The following DUSP13B variants were observed in gnomAD, a reference collection of about 807,000 sequenced individuals.
DUSP13B encodes dual specificity phosphatase 13B, also known as dual specificity protein phosphatase 13B.
chr10:75,097,756 C>A, the DUSP13B span: 1 of 1,613,496 alleles, frequency 6.2e-7, no homozygotes, highest in Non-Finnish European at 8.5e-7. Context: ...CGATATGGTT[C>A]AGTGTGGCAG....
the DUSP13B span, chr10:75,108,278 C>A: frequency 6.6e-7 from 1 of 1,523,258 alleles, no homozygotes; most frequent in Admixed American, 2.1e-5. Context: ...TGTGCCTGGC[C>A]CCCTGCTGCA....
the DUSP13B span, chr10:75,105,749 G>A: frequency 1.0e-5 from 16 of 1,554,114 alleles, no homozygotes; most frequent in African/African-American, 2.7e-5. Flanking sequence ...AAGACCCATC[G>A]GTGCTGCCTC....
chr10:75,095,723 C>T, the DUSP13B span: 11 of 1,614,124 alleles, frequency 6.8e-6, no homozygotes, highest in East Asian at 2.2e-5. Context: ...CCACCTGGAA[C>T]TTGCCTGCAG....
At chr10:75,104,217 A>C in the DUSP13B span, 4 of 610,936 alleles carry the variant, frequency 6.5e-6, no homozygotes, top group Admixed American at 1.2e-4. Flanking sequence ...AGCCCTGTGC[A>C]TAAGGTCAAG....
chr10:75,102,052 A>G, the DUSP13B span: 3 of 997,184 alleles, frequency 3.0e-6, no homozygotes, highest in African/African-American at 1.7e-5. Flanking sequence ...CACTGGTTCC[A>G]TGGCATGGCC....
chr10:75,097,718 C>A, the DUSP13B span: 1 of 1,577,890 alleles, frequency 6.3e-7, no homozygotes, highest in Non-Finnish European at 8.6e-7. Context: ...TCACGCATCT[C>A]CCAGGAAGAG....
the DUSP13B span, among the ~76,000 whole-genome samples, chr10:75,106,163 A>T: frequency 2.8e-5 from 4 of 141,934 alleles, no homozygotes; most frequent in Non-Finnish European, 6.0e-5. Context: ...GCTGGTCTTG[A>T]ACTCCTGAAC....
At chr10:75,097,939 C>A in the DUSP13B span, 2 of 1,481,642 alleles carry the variant, frequency 1.3e-6, no homozygotes, top group South Asian at 1.4e-5. Flanking sequence ...GAGGGTGGAT[C>A]CAGCTGATGG....
chr10:75,107,913 C>T, the DUSP13B span: 1 of 1,445,890 alleles, frequency 6.9e-7, no homozygotes, highest in East Asian at 2.5e-5. Context: ...GATGGGAGGG[C>T]ACTGATGACT....
the DUSP13B span, among the ~76,000 whole-genome samples, chr10:75,102,773 A>G: frequency 6.6e-6 from 1 of 152,048 alleles, no homozygotes; most frequent in Non-Finnish European, 1.5e-5. Context: ...ACTAACATGG[A>G]GAAAACCTGC....
the DUSP13B span, among the ~76,000 whole-genome samples, chr10:75,102,760 C>T: frequency 6.6e-6 from 1 of 152,128 alleles, no homozygotes; most frequent in East Asian, 1.9e-4. Flanking sequence ...CGAGACCAGC[C>T]TGACTAACAT....
At chr10:75,108,152 G>C in the DUSP13B span, 4 of 1,612,928 alleles carry the variant, frequency 2.5e-6, no homozygotes, top group Non-Finnish European at 3.4e-6. Context: ...TGTGGGCGGC[G>C]TTCAGCACGT....
At chr10:75,100,415 G>A in the DUSP13B span, among the ~76,000 whole-genome samples, 2 of 152,056 alleles carry the variant, frequency 1.3e-5, no homozygotes, top group African/African-American at 4.8e-5. Flanking sequence ...AGTCAGGCCC[G>A]GCCACCCCCC....
the DUSP13B span, chr10:75,105,797 G>A: frequency 1.9e-6 from 3 of 1,550,844 alleles, no homozygotes; most frequent in East Asian, 4.9e-5. Flanking sequence ...AGCCGCTGGT[G>A]CAGCATGAGG....
chr10:75,105,655 C>T, the DUSP13B span: 2 of 1,547,656 alleles, frequency 1.3e-6, no homozygotes, highest in Admixed American at 2.0e-5. Flanking sequence ...CCCCCTGAGG[C>T]CTCACCTGGC....
At chr10:75,097,398 T>C in the DUSP13B span, among the ~76,000 whole-genome samples, 4,989 of 152,208 alleles carry the variant, frequency 0.033, 106 homozygotes, top group South Asian at 0.056. Context: ...TTAGTAGAGA[T>C]GAGGTTTCAC....
the DUSP13B span, chr10:75,097,974 G>T: frequency 8.3e-7 from 1 of 1,206,444 alleles, no homozygotes; most frequent in Non-Finnish European, 1.1e-6. Context: ...CAGTGCCTAG[G>T]TGCCACGGGG....
At chr10:75,095,607 C>G in the DUSP13B span, 1 of 1,614,170 alleles carries the variant, frequency 6.2e-7, no homozygotes, top group Non-Finnish European at 8.5e-7. Flanking sequence ...TCGGATGTAT[C>G]GAGCAACAGG....
chr10:75,101,886 A>G, the DUSP13B span: 1 of 1,366,666 alleles, frequency 7.3e-7, no homozygotes, highest in Non-Finnish European at 9.8e-7. Context: ...TATCTGGCCC[A>G]GGCTGTGCAC....
Sources: allele counts gnomAD v4.1 joint callset (sites outside exome capture counted in the v4.1 genomes callset), GRCh38; gene constraint gnomAD v4.1.1; transcripts MANE v1.5; gene names NCBI Gene and HGNC (gene_info 2026-07-23, HGNC 2026-07-21).